The following PRPF3 variants were observed in gnomAD, a reference collection of about 807,000 sequenced individuals.
PRPF3 encodes the protein pre-mRNA processing factor 3, also known as U4/U6 small nuclear ribonucleoprotein Prp3.
In PRPF3, 3 loss-of-function variants were observed where a neutral mutation model predicts 89.2. That is an observed-to-expected ratio of 0.03 (90% CI 0.02 to 0.09). PRPF3 has a LOEUF of 0.09. Among genes scored for constraint, PRPF3 ranks in the 10% least tolerant of loss-of-function variants. The probability of loss-of-function intolerance (pLI) is 1.00; values close to 1 mark genes in which losing one functional copy is unlikely to be tolerated. For missense variants in PRPF3, 463 were observed against 828.8 expected (o/e 0.56, Z 5.42); for synonymous variants, 270 against 289.1 (o/e 0.93, Z 0.67).
intron 12 of PRPF3, chr1:150,345,628 C>G: frequency 3.5e-6 from 1 of 283,594 alleles, no homozygotes; most frequent in South Asian, 3.5e-5. Flanking sequence ...GGATTACAGG[C>G]ATGAGCCACC....
At chr1:150,348,817 A>C (rs1658595416) in intron 14 of PRPF3, 1 of 292,676 alleles carries the variant, frequency 3.4e-6, no homozygotes, top group African/African-American at 2.2e-5. Context: ...AAGTTTTTTG[A>C]GAGTAATATA....
chr1:150,352,701 A>AT (rs1368710234), intron 15 of PRPF3, 132 bp from the exon 16 acceptor site: 412 of 984,954 alleles, frequency 4.2e-4, no homozygotes, highest in East Asian at 6.0e-4. Flanking sequence ...GGAGGTCACA[A>AT]TTTTTTTTTA....
At chr1:150,323,560 A>G (rs1316359946) in intron 1 of PRPF3, among the ~76,000 whole-genome samples, 4 of 150,984 alleles carry the variant, frequency 2.6e-5, no homozygotes, top group Non-Finnish European at 5.9e-5. Context: ...AAGTGAACCC[A>G]GGAGATGGAG....
In PRPF3 at chr1:150,348,116, C is replaced by T. The variant is rs587712031; in HGVS notation, c.1844-1041C>T. On this transcript the variant is annotated intron_variant, in intron 14 of 15. Transcript: ENST00000324862. ...TCTGCAGAGAGGCCTGGTGTGATGGCTTATGCCTGTAATCCCAGCACTTTG... is the reference window on the plus strand; with the variant it reads ...TCTGCAGAGAGGCCTGGTGTGATGGTTTATGCCTGTAATCCCAGCACTTTG... Among the ~76,000 whole-genome samples, 16 of 152,242 alleles carry T rather than the reference C, an allele frequency of 1.1e-4. No homozygotes were observed. In the East Asian group the frequency reaches 3.1e-3, roughly 30 times the overall value.
intron 1 of PRPF3, among the ~76,000 whole-genome samples, chr1:150,324,570 A>T (rs1290875265): frequency 0.06 from 25 of 414 alleles, 1 homozygote; most frequent in South Asian, 0.25. Context: ...TTTTTTTTGT[A>T]GAGAGAGTCT....
chr1:150,325,903 A>G, intron 3 of PRPF3, 22 bp downstream of exon 3: 2 of 1,610,098 alleles, frequency 1.2e-6, no homozygotes, highest in Non-Finnish European at 8.5e-7. Context: ...TTTACTGTCT[A>G]ATGAGCTCAG....
rs185620062 is a variant in PRPF3 at position 150,336,016 on chromosome 1, C to T, written c.1035+775C>T. On this transcript the variant is annotated intron_variant, in intron 7 of 15. Transcript: ENST00000324862. ...AACTCCTGACCTTGTGATCTGCCTG[C>T]CTTGACCTCCCAAAGTGCTGGGATT... Among the ~76,000 whole-genome samples, 22 of 152,198 alleles carry T rather than the reference C, an allele frequency of 1.4e-4. No individual in the cohort carries two copies. The East Asian group carries it at 4.2e-3, about 29-fold the overall frequency.
chr1:150,323,172 GCTT>G (rs1655275923), intron 1 of PRPF3, among the ~76,000 whole-genome samples: 1 of 26,968 alleles, frequency 3.7e-5, no homozygotes, highest in Non-Finnish European at 7.0e-5. Flanking sequence ...ACCGCACCTG[GCTT>G]TTTTTTTTTT....
At chr1:150,341,400 A>ATTTTTTTTTTTTTTTTTTTTTT (rs1169772517) in intron 9 of PRPF3, among the ~76,000 whole-genome samples, 1 of 101,906 alleles carries the variant, frequency 9.8e-6, no homozygotes, top group African/African-American at 3.7e-5. Flanking sequence ...AGTTGCTTCT[A>ATTTTTTTTTTTTTTTTTTTTTT]TTTTTTTTTT....
In PRPF3 at chr1:150,343,291, A is replaced by T; in HGVS notation, c.1283-18A>T. Reference sequence around the variant, plus strand: ...TGTATTCTTACTGCTTTGGTATACTAATATCTCTGCCTGACAGTTGACAAT... The same window carrying T: ...TGTATTCTTACTGCTTTGGTATACTTATATCTCTGCCTGACAGTTGACAAT... On this transcript the variant is annotated intron_variant, in intron 9 of 15. Transcript: ENST00000324862. 1 of 1,596,706 alleles carries T rather than the reference A, an allele frequency of 6.3e-7. No homozygotes were observed. The highest frequency in any genetic ancestry group is 8.6e-7 in the Non-Finnish European group (1 of 1,168,598).
chr1:150,340,046 CT>C (rs1657525805), intron 8 of PRPF3, among the ~76,000 whole-genome samples: 1 of 152,088 alleles, frequency 6.6e-6, no homozygotes, highest in South Asian at 2.1e-4. Flanking sequence ...TGATACATGG[CT>C]TTAGTAGATT....
intron 12 of PRPF3, among the ~76,000 whole-genome samples, chr1:150,345,131 T>C (rs1658145945): frequency 6.6e-6 from 1 of 152,102 alleles, no homozygotes; most frequent in Non-Finnish European, 1.5e-5. Flanking sequence ...TAACTAGTTC[T>C]TTATTATAAA....
At chr1:150,324,569 T>G (rs1287084938) in intron 1 of PRPF3, among the ~76,000 whole-genome samples, 5,611 of 147,662 alleles carry the variant, frequency 0.038, 315 homozygotes, top group African/African-American at 0.12. Context: ...TTTTTTTTTG[T>G]AGAGAGAGTC....
At chr1:150,338,120 C>G in intron 7 of PRPF3, 40 bp from the exon 8 acceptor site, 1 of 1,593,670 alleles carries the variant, frequency 6.3e-7, no homozygotes, top group Admixed American at 1.7e-5. Flanking sequence ...TTTTCTATGA[C>G]TCCAATTTAT....
intron 14 of PRPF3, among the ~76,000 whole-genome samples, chr1:150,348,339 T>C (rs1553873542): frequency 6.6e-6 from 1 of 151,432 alleles, no homozygotes. Flanking sequence ...ATCATACCAC[T>C]TCACTCCAGC....
chr1:150,333,884 C>T (rs1445513703), intron 6 of PRPF3, among the ~76,000 whole-genome samples: 2 of 152,192 alleles, frequency 1.3e-5, no homozygotes, highest in Admixed American at 6.5e-5. Context: ...TACAGTTGGT[C>T]TGGCATCCCA....
intron 8 of PRPF3, among the ~76,000 whole-genome samples, chr1:150,339,962 T>G (rs1420774598): frequency 1.3e-5 from 2 of 152,130 alleles, no homozygotes; most frequent in African/African-American, 4.8e-5. Flanking sequence ...CCTCAGGTGA[T>G]CCACCTGCCT....
intron 9 of PRPF3, among the ~76,000 whole-genome samples, chr1:150,342,546 T>G (rs1657867066): frequency 6.6e-6 from 1 of 152,072 alleles, no homozygotes; most frequent in African/African-American, 2.4e-5. Flanking sequence ...AAATGGAGTC[T>G]CGCTGTGTTG....
intron 15 of PRPF3, among the ~76,000 whole-genome samples, chr1:150,351,366 A>C (rs1393665335): frequency 1.3e-5 from 2 of 152,190 alleles, no homozygotes; most frequent in Non-Finnish European, 2.9e-5. Context: ...AAAAATAAAA[A>C]TTAAAAAAAA....
Sources: gnomAD v4.1 joint callset for allele counts (sites outside exome capture counted in the v4.1 genomes callset) on GRCh38, gnomAD v4.1.1 for gene constraint, MANE v1.5 for transcripts, NCBI Gene and HGNC (gene_info 2026-07-23, HGNC 2026-07-21) for gene names.